GBP2: variants seen among roughly 807,000 people sequenced by gnomAD.
GBP2 encodes the protein guanylate binding protein 2.
GBP2 carries 54 observed loss-of-function variants against 60.8 expected under a neutral mutation model. That is an observed-to-expected ratio of 0.89 (90% CI 0.71 to 1.11). The LOEUF (loss-of-function observed/expected upper bound fraction) is 1.11. GBP2 is among the 50% of genes most tolerant of loss of function. The pLI is 0.00. For synonymous variants in GBP2, 243 were observed against 256.5 expected (o/e 0.95, Z 0.50); for missense variants, 665 against 703.3 (o/e 0.95, Z 0.62).
At chr1:89,115,900 G>A (rs1681260157) in intron 6 of GBP2, among the ~76,000 whole-genome samples, 1 of 151,980 alleles carries the variant, frequency 6.6e-6, no homozygotes, top group Non-Finnish European at 1.5e-5. Context: ...AGCCTCCTGT[G>A]TTCTATTTTC....
At position 89,120,177 on chromosome 1, in the gene GBP2, A is replaced by G. The variant is rs1195223232; in HGVS notation, c.428+2T>C. 8 of 1,608,944 alleles carry G rather than the reference A, an allele frequency of 5.0e-6. No homozygotes were observed. Among genetic ancestry groups the G allele is most frequent in the Non-Finnish European group, 6.8e-6 (8 of 1,175,274 alleles). On this transcript the variant is annotated splice_donor_variant, in intron 4 of 10. Transcript: ENST00000370466. LOFTEE classifies it high-confidence loss of function. ...GCTGTTCTGGACCACAAAAAAGGAT[A>G]CTGAAGTTGGTCCATGGCCTGCTGG...
chr1:89,112,779 G>A (rs1681191957), intron 7 of GBP2, 95 bp from the exon 8 acceptor site: 3 of 978,660 alleles, frequency 3.1e-6, no homozygotes, highest in African/African-American at 3.2e-5. Context: ...TTCAGAAATT[G>A]TGGCCCTCTA....
At chr1:89,110,375 G>T (rs1681138757) in intron 8 of GBP2, 109 bp from the exon 9 acceptor site, 1 of 811,268 alleles carries the variant, frequency 1.2e-6, no homozygotes, top group African/African-American at 1.7e-5. Flanking sequence ...ACACAAAAAA[G>T]ATACTTGCAT....
At chr1:89,123,398 T>G (rs1681452153) in intron 1 of GBP2, among the ~76,000 whole-genome samples, 1 of 152,260 alleles carries the variant, frequency 6.6e-6, no homozygotes, top group Non-Finnish European at 1.5e-5. Context: ...CTTAAGTTTC[T>G]TCTGATATTT....
At chr1:89,116,855 G>T in intron 6 of GBP2, 137 bp downstream of exon 6, 1 of 788,330 alleles carries the variant, frequency 1.3e-6, no homozygotes, top group Admixed American at 2.4e-5. Context: ...TTTATAATAT[G>T]ATTTTCATGT....
At chr1:89,122,569 A>G (rs1681423480) in intron 1 of GBP2, among the ~76,000 whole-genome samples, 1 of 152,130 alleles carries the variant, frequency 6.6e-6, no homozygotes, top group Non-Finnish European at 1.5e-5. Context: ...AATGTCACCA[A>G]AGTGATGTTC....
At chr1:89,125,684 G>C (rs956541245) in intron 1 of GBP2, among the ~76,000 whole-genome samples, 179 bp downstream of exon 1, 1 of 152,210 alleles carries the variant, frequency 6.6e-6, no homozygotes, top group African/African-American at 2.4e-5. Context: ...CTATGCTGGA[G>C]ACTAGTTCAC....
intron 10 of GBP2, among the ~76,000 whole-genome samples, chr1:89,108,585 T>C (rs1681099632): frequency 6.6e-6 from 1 of 152,202 alleles, no homozygotes; most frequent in Non-Finnish European, 1.5e-5. Context: ...CTTTTTGTTG[T>C]TGTTGTTCAT....
chr1:89,124,655 C>T (rs534292261), intron 1 of GBP2, among the ~76,000 whole-genome samples: 5 of 152,326 alleles, frequency 3.3e-5, no homozygotes, highest in African/African-American at 1.2e-4. Flanking sequence ...ACTCAGGTTA[C>T]CCAGTGGCTT....
At chr1:89,123,198 G>A (rs1007396371) in intron 1 of GBP2, among the ~76,000 whole-genome samples, 2 of 152,044 alleles carry the variant, frequency 1.3e-5, no homozygotes, top group South Asian at 2.1e-4. Flanking sequence ...CCTTAGAATC[G>A]ACCATTTCTC....
chr1:89,113,602 C>A (rs1681207690), intron 7 of GBP2, among the ~76,000 whole-genome samples: 1 of 152,094 alleles, frequency 6.6e-6, no homozygotes, highest in Non-Finnish European at 1.5e-5. Flanking sequence ...TAATTAATTT[C>A]TCTTTCTTGG....
intron 8 of GBP2, among the ~76,000 whole-genome samples, chr1:89,111,032 A>G (rs533356941): frequency 2.0e-5 from 3 of 152,326 alleles, no homozygotes; most frequent in South Asian, 2.1e-4. Flanking sequence ...GATAAATTCT[A>G]TCAACAGAAT....
At chr1:89,108,428 A>AT (rs771817414) in intron 10 of GBP2, 137 bp from the exon 11 acceptor site, 90 of 488,486 alleles carry the variant, frequency 1.8e-4, no homozygotes, top group Non-Finnish European at 3.0e-4. Flanking sequence ...CCTGCCAATA[A>AT]TTTTTCTATG....
At chr1:89,114,627 GAAA>G (rs1557439812) in intron 6 of GBP2, among the ~76,000 whole-genome samples, 2 of 152,134 alleles carry the variant, frequency 1.3e-5, no homozygotes, top group African/African-American at 4.8e-5. Context: ...AAGTCAATGA[GAAA>G]ACTTAGCCTT....
Position 89,114,186 on chromosome 1 carries a change from C to G in GBP2, c.979G>C (p.Glu327Gln), listed in dbSNP as rs770010917. Residue 327 changes from glutamate to glutamine, a missense_variant, in exon 7 of 11, where the codon GAA becomes CAA. Transcript: ENST00000370466. Reference protein sequence around the residue: ...LAQIENSAAVEKAIAHYEQQM... With the variant: ...LAQIENSAAVQKAIAHYEQQM... ...TGTTCATAGTGGGCAATAGCCTTTT[C>G]CACTGCGGCTGAGTTCTCTATCTGG... The G allele has an allele frequency of 6.2e-7, 1 of 1,614,248 alleles. No individual in the cohort carries two copies. Among genetic ancestry groups the G allele is most frequent in the Admixed American group, 1.7e-5 (1 of 60,030 alleles).
In GBP2 at chr1:89,109,821, C is replaced by T. The variant is rs1234758885; in HGVS notation, c.1515G>A (p.Glu505=). Residue 505 remains glutamate, a synonymous_variant, in exon 10 of 11, where the codon GAG becomes GAA. Coordinates refer to ENST00000370466, the MANE Select transcript of GBP2 (RefSeq NM_004120.5). Reference sequence around the variant, plus strand: ...TCTCCTCATTCTTCTTTTGTATTTCCTCCAACATTTTCTTTGCAGCTTCTG... The same window carrying T: ...TCTCCTCATTCTTCTTTTGTATTTCTTCCAACATTTTCTTTGCAGCTTCTG... ...ESAEAAKKML[E]EIQKKNEEMM... is the part of the protein sequence containing the mutation. The T allele has an allele frequency of 3.7e-6, 6 of 1,613,914 alleles. No homozygotes were observed. The highest frequency in any genetic ancestry group is 4.2e-6 in the Non-Finnish European group (5 of 1,179,976).
intron 5 of GBP2, 93 bp downstream of exon 5, chr1:89,117,484 T>A (rs1001046025): frequency 2.5e-6 from 3 of 1,195,138 alleles, no homozygotes; most frequent in Non-Finnish European, 1.2e-6. Flanking sequence ...AAAATACAGT[T>A]AAAAATTATA....
At position 89,117,208 on chromosome 1, in the gene GBP2, T is replaced by G. The variant is rs768142276; in HGVS notation, c.652A>C (p.Asn218His). Reference protein sequence around the residue: ...KGTDKKSKSFNDPRLCIRKFF... With the variant: ...KGTDKKSKSFHDPRLCIRKFF... ...TTTCGGATGCACAACCGAGGATCAT[T>G]AAAGCTTTTACTTTTCTTATCAGTA... The change falls in exon 6 of 11, where the codon AAT becomes CAT. Residue 218 changes from asparagine to histidine, a missense_variant. Physicochemically the swap from Asn to His is moderately conservative, Grantham distance 68 (BLOSUM62 1). Coordinates refer to ENST00000370466, the MANE Select transcript of GBP2 (RefSeq NM_004120.5). 6.2e-7 allele frequency: 1 copy of G among 1,613,894 alleles called. No individual in the cohort carries two copies. Among genetic ancestry groups the G allele is most frequent in the Non-Finnish European group, 8.5e-7 (1 of 1,179,772 alleles).
chr1:89,111,651 G>A (rs1404736209), intron 8 of GBP2, among the ~76,000 whole-genome samples: 1 of 143,328 alleles, frequency 7.0e-6, no homozygotes, highest in Non-Finnish European at 1.5e-5. Context: ...GGGGAGGGAG[G>A]TGGGGATGGT....
Sources: gnomAD v4.1 joint callset for allele counts (sites outside exome capture counted in the v4.1 genomes callset) on GRCh38, gnomAD v4.1.1 for gene constraint, MANE v1.5 for transcripts, NCBI Gene and HGNC (gene_info 2026-07-23, HGNC 2026-07-21) for gene names.